SLC22A23: variants seen among roughly 807,000 people sequenced by gnomAD.
The protein encoded by SLC22A23 is solute carrier family 22 member 23, also known as ion transporter protein.
Under a neutral mutation model 61.0 loss-of-function variants are expected in SLC22A23, and 26 were observed. That is an observed-to-expected ratio of 0.43 (90% CI 0.31 to 0.59). The LOEUF (loss-of-function observed/expected upper bound fraction) is 0.59, where lower values mean the gene tolerates loss of function less well. SLC22A23 is among the 20% of genes least tolerant of loss of function. The probability of loss-of-function intolerance (pLI) is 0.11; values close to 1 mark genes in which losing one functional copy is unlikely to be tolerated. For synonymous variants in SLC22A23, 430 were observed against 413.9 expected (o/e 1.04, Z -0.47); for missense variants, 796 against 934.7 (o/e 0.85, Z 1.94).
At chr6:3,378,890 C>T (rs1239606660) in intron 3 of SLC22A23, among the ~76,000 whole-genome samples, 1 of 152,106 alleles carries the variant, frequency 6.6e-6, no homozygotes, top group East Asian at 1.9e-4. Context: ...AACTCCTGAT[C>T]TCAGGTGATC....
chr6:3,349,713 G>A (rs187541818), intron 3 of SLC22A23, among the ~76,000 whole-genome samples: 1 of 152,340 alleles, frequency 6.6e-6, no homozygotes, highest in Admixed American at 6.5e-5. Flanking sequence ...CTGAATCTCA[G>A]GAGGTGGAAG....
At chr6:3,289,450 T>G (rs1194024536) in intron 6 of SLC22A23, among the ~76,000 whole-genome samples, 1 of 152,246 alleles carries the variant, frequency 6.6e-6, no homozygotes, top group East Asian at 1.9e-4. Context: ...GCCCAGAATT[T>G]CCAGCCTTGT....
At chr6:3,326,133 A>G (rs1763267967) in intron 3 of SLC22A23, among the ~76,000 whole-genome samples, 1 of 152,214 alleles carries the variant, frequency 6.6e-6, no homozygotes, top group Non-Finnish European at 1.5e-5. Flanking sequence ...TGAGCAGGGA[A>G]AATGCTCCCT....
Position 3,271,339 on chromosome 6 carries a change from G to A in SLC22A23, c.*1716C>T, listed in dbSNP as rs1300524707. 8 of 152,376 alleles carry A rather than the reference G, an allele frequency of 5.3e-5. No individual in the cohort carries two copies. The highest frequency in any genetic ancestry group is 1.4e-4 in the African/African-American group (6 of 41,470). The allele number at this position is 152,376 out of a possible 1,614,324, so 9.4% of individuals were successfully genotyped here. A position where few individuals can be genotyped will look rare whatever the true frequency, so the allele number is the denominator to read the frequency against. ...AGGTGTCGGCGTGGTCCAGCCACTG[G>A]AAACACGTGGCCAAGAGTCTGCTTG... On this transcript the variant is annotated 3_prime_UTR_variant, in exon 10 of 10. Coordinates refer to ENST00000406686, the MANE Select transcript of SLC22A23 (RefSeq NM_015482.2).
At chr6:3,311,477 T>G (rs2127381363) in intron 4 of SLC22A23, among the ~76,000 whole-genome samples, 1 of 152,346 alleles carries the variant, frequency 6.6e-6, no homozygotes, top group South Asian at 2.1e-4. Context: ...GGCTCAAAAC[T>G]TTTGCACAAA....
intron 1 of SLC22A23, among the ~76,000 whole-genome samples, chr6:3,424,406 T>C (rs1417611447): frequency 6.6e-6 from 1 of 152,246 alleles, no homozygotes; most frequent in East Asian, 1.9e-4. Flanking sequence ...TTTTCTGTAC[T>C]GCACGCATTT....
In SLC22A23 at chr6:3,352,230, T is replaced by C. The variant is rs144568107; in HGVS notation, c.914-28228A>G. 7.2e-4 allele frequency among the ~76,000 whole-genome samples: 109 copies of C among 151,540 alleles called. 1 individual carries two copies. Among genetic ancestry groups the C allele is most frequent in the African/African-American group, 2.2e-3 (89 of 41,142 alleles). ...AGTGAAAACCACGTACACGGACATG[T>C]ACAGACACACAGACACTCACAAACA... On this transcript the variant is annotated intron_variant, in intron 3 of 9. Coordinates refer to ENST00000406686, the MANE Select transcript of SLC22A23 (RefSeq NM_015482.2).
rs754301546 is a variant in SLC22A23 at position 3,410,355 on chromosome 6, A to G, written c.759-13T>C. 11 of 1,576,946 alleles carry G rather than the reference A, an allele frequency of 7.0e-6. No homozygotes were observed. Among genetic ancestry groups the G allele is most frequent in the Non-Finnish European group, 9.5e-6 (11 of 1,162,506 alleles). ...CCGCCGGCCGACCCTGCATATGGAGAGGGAAAAAGTTAGGAATCATTGTGA... is the reference window on the plus strand; with the variant it reads ...CCGCCGGCCGACCCTGCATATGGAGGGGGAAAAAGTTAGGAATCATTGTGA... On this transcript the variant is annotated splice_polypyrimidine_tract_variant and intron_variant, in intron 2 of 9. Transcript: ENST00000406686. The surrounding 1 kb of genome is among the most constrained non-coding windows in gnomAD (Gnocchi z 5.0).
At chr6:3,320,106 AC>A (rs1762863763) in intron 4 of SLC22A23, among the ~76,000 whole-genome samples, 1 of 151,910 alleles carries the variant, frequency 6.6e-6, no homozygotes, top group Non-Finnish European at 1.5e-5. Context: ...AGGTGTTGAA[AC>A]CCAGAGTCCT....
chr6:3,348,791 A>T (rs756367799), intron 3 of SLC22A23, among the ~76,000 whole-genome samples: 1 of 152,218 alleles, frequency 6.6e-6, no homozygotes, highest in Non-Finnish European at 1.5e-5. Context: ...CAAATCTTAC[A>T]GCAAGCATCC....
chr6:3,396,642 C>A (rs2127493642), intron 3 of SLC22A23, among the ~76,000 whole-genome samples: 1 of 152,298 alleles, frequency 6.6e-6, no homozygotes, highest in East Asian at 1.9e-4. Flanking sequence ...AGCAGAGGAA[C>A]ACACAGGCGG....
At chr6:3,452,856 T>C (rs1772222238) in intron 1 of SLC22A23, among the ~76,000 whole-genome samples, 1 of 152,002 alleles carries the variant, frequency 6.6e-6, no homozygotes, top group African/African-American at 2.4e-5. Flanking sequence ...ATCTAGAAAC[T>C]CAAAATTGTT....
intron 3 of SLC22A23, among the ~76,000 whole-genome samples, chr6:3,350,450 T>G (rs909796744): frequency 6.6e-6 from 1 of 152,174 alleles, no homozygotes; most frequent in African/African-American, 2.4e-5. Flanking sequence ...AAATTGAAAT[T>G]TTAGTGTCGA....
intron 3 of SLC22A23, among the ~76,000 whole-genome samples, chr6:3,401,654 C>T (rs1768400318): frequency 6.6e-6 from 1 of 152,182 alleles, no homozygotes; most frequent in Non-Finnish European, 1.5e-5. Flanking sequence ...TCAGCCCCTT[C>T]CTTGGCTCCC....
intron 3 of SLC22A23, among the ~76,000 whole-genome samples, chr6:3,331,033 T>C (rs953649032): frequency 2.0e-5 from 3 of 152,240 alleles, no homozygotes; most frequent in African/African-American, 4.8e-5. Context: ...GAGGTATTTT[T>C]CCTGTGTTAA....
At position 3,410,323 on chromosome 6, in the gene SLC22A23, G is replaced by A; in HGVS notation, c.778C>T (p.Leu260=). The A allele has an allele frequency of 6.2e-7, 1 of 1,610,756 alleles. No individual in the cohort carries two copies. Among genetic ancestry groups the A allele is most frequent in the Non-Finnish European group, 8.5e-7 (1 of 1,178,730 alleles). ...AGAATGAAGATGATGGAAAACAGCA[G>A]CACAGGCCGCCGGCCGACCCTGCAT... ...IADWVGRRPV[L]LFSIIFILIF... The change falls in exon 3 of 10, where the codon CTG becomes TTG. Residue 260 remains leucine (L), a synonymous_variant. Coordinates refer to ENST00000406686, the MANE Select transcript of SLC22A23 (RefSeq NM_015482.2). This position sits in a 1 kb window ranked among gnomAD's most constrained non-coding sequence, Gnocchi z 5.0.
At position 3,297,201 on chromosome 6, in the gene SLC22A23, A is replaced by G. The variant is rs559602488; in HGVS notation, c.1210+890T>C. ...CTGAAACACAGCAGGCATCTAGTAA[A>G]CACGTGTTGGTTTACTGAATGAATC... On this transcript the variant is annotated intron_variant, in intron 5 of 9. Coordinates refer to ENST00000406686, the MANE Select transcript of SLC22A23 (RefSeq NM_015482.2). The surrounding 1 kb of genome is among the most constrained non-coding windows in gnomAD (Gnocchi z 4.3). 6.6e-6 allele frequency among the ~76,000 whole-genome samples: 1 copy of G among 152,298 alleles called. No individual in the cohort carries two copies. The highest frequency in any genetic ancestry group is 1.5e-5 in the Non-Finnish European group (1 of 68,024).
chr6:3,279,676 C>A (rs1759254417), intron 9 of SLC22A23, among the ~76,000 whole-genome samples: 1 of 151,572 alleles, frequency 6.6e-6, no homozygotes, highest in Admixed American at 6.6e-5. Context: ...GGGTTCCTTT[C>A]CTGCCCCTGA....
rs534166811 is a variant in SLC22A23 at position 3,447,516 on chromosome 6, T to C, written c.654+8390A>G. Among the ~76,000 whole-genome samples the C allele has an allele frequency of 3.3e-5, 5 of 151,678 alleles. No homozygotes were observed. The South Asian group carries it at 1.0e-3, about 32-fold the overall frequency. On this transcript the variant is annotated intron_variant, in intron 1 of 9. Coordinates refer to ENST00000406686, the MANE Select transcript of SLC22A23 (RefSeq NM_015482.2). ...CACATATCATTGTATCCCCAACACA[T>C]AGCACAATGCTCAGCTCAGAACAGG...
Sources: allele counts gnomAD v4.1 joint callset (sites outside exome capture counted in the v4.1 genomes callset), GRCh38; gene constraint gnomAD v4.1.1; non-coding constraint Gnocchi (gnomAD v3.1); transcripts MANE v1.5; gene names NCBI Gene and HGNC (gene_info 2026-07-23, HGNC 2026-07-21).